The following TTC29 variants were observed in gnomAD, a reference collection of about 807,000 sequenced individuals.
The protein encoded by TTC29 is tetratricopeptide repeat protein 29.
In TTC29, 49 loss-of-function variants were observed where a neutral mutation model predicts 58.1. That is an observed-to-expected ratio of 0.84 (90% confidence interval 0.67 to 1.07). The LOEUF (loss-of-function observed/expected upper bound fraction) is 1.07, where lower values mean the gene tolerates loss of function less well. TTC29 is among the 50% of genes least tolerant of loss of function. TTC29 has a pLI of 0.00. For missense variants in TTC29, 582 were observed against 555.6 expected, an observed-to-expected ratio of 1.05 and a Z score of -0.48; for synonymous variants, 209 against 196.8, an observed-to-expected ratio of 1.06 and a Z score of -0.52.
At chr4:146,813,586 A>G (rs1751172916) in intron 10 of TTC29, among the ~76,000 whole-genome samples, 1 of 152,222 alleles carries the variant, frequency 6.6e-6, no homozygotes, top group African/African-American at 2.4e-5. Flanking sequence ...ATTGTTAAGA[A>G]TACAATTACA....
chr4:146,748,917 T>C (rs937596155), intron 11 of TTC29, among the ~76,000 whole-genome samples: 2 of 152,148 alleles, frequency 1.3e-5, no homozygotes, highest in Admixed American at 1.3e-4. Context: ...ATGAATTACC[T>C]GAAAGAGAAT....
chr4:146,827,004 C>G (rs1727849167), intron 9 of TTC29, among the ~76,000 whole-genome samples: 1 of 150,450 alleles, frequency 6.6e-6, no homozygotes, highest in South Asian at 2.3e-4. Flanking sequence ...ATTCCTCTAA[C>G]CTTTTATCGA....
intron 4 of TTC29, among the ~76,000 whole-genome samples, chr4:146,918,342 A>G (rs1328178103): frequency 6.6e-6 from 1 of 151,184 alleles, no homozygotes; most frequent in East Asian, 1.9e-4. Flanking sequence ...TATCACTAAT[A>G]TAACTCAACG....
At position 146,707,092 on chromosome 4, in the gene TTC29, C is replaced by CAA; in HGVS notation, c.*64_*65dup. On this transcript the variant is annotated 3_prime_UTR_variant, in exon 13 of 13. Coordinates refer to ENST00000325106, the MANE Select transcript of TTC29 (RefSeq NM_031956.4). ...TATTATCTGTAACATGCTCCTATTACAAGTATTGAAGTCTAAGGTGACATG... is the reference window on the plus strand; with the variant it reads ...TATTATCTGTAACATGCTCCTATTACAAAAGTATTGAAGTCTAAGGTGACATG... 8.4e-7 allele frequency: 1 copy of CAA among 1,196,686 alleles called. No individual in the cohort carries two copies. The highest frequency in any genetic ancestry group is 1.2e-6 in the Non-Finnish European group (1 of 863,102). The allele number at this position is 1,196,686 out of a possible 1,614,324, so 74.1% of individuals were successfully genotyped here. A position where few individuals can be genotyped will look rare whatever the true frequency, so the allele number is the denominator to read the frequency against.
At chr4:146,918,853 C>A (rs962346912) in intron 4 of TTC29, among the ~76,000 whole-genome samples, 9 of 151,006 alleles carry the variant, frequency 6.0e-5, no homozygotes, top group Non-Finnish European at 1.2e-4. Context: ...AGCACTTCAG[C>A]ATCATTCATT....
intron 11 of TTC29, among the ~76,000 whole-genome samples, chr4:146,753,003 T>C (rs1205353045): frequency 6.6e-6 from 1 of 152,176 alleles, no homozygotes; most frequent in Admixed American, 6.5e-5. Flanking sequence ...AAGGACTTCA[T>C]GTCTAAAAAA....
intron 11 of TTC29, among the ~76,000 whole-genome samples, chr4:146,769,584 G>T (rs2150072275): frequency 6.6e-6 from 1 of 152,062 alleles, no homozygotes; most frequent in South Asian, 2.1e-4. Context: ...AAAAACAAAA[G>T]AAAGTCAGTC....
In TTC29 at chr4:146,735,794, G is replaced by C. The variant is rs533267135; in HGVS notation, c.1331-28243C>G. ...GTTACTCTTGTAAAACTGAACAACAGTTCGAGAAGCCTTATCAAATTTGCT... is the reference window on the plus strand; with the variant it reads ...GTTACTCTTGTAAAACTGAACAACACTTCGAGAAGCCTTATCAAATTTGCT... On this transcript the variant is annotated intron_variant, in intron 11 of 12. Transcript: ENST00000325106. 3.3e-5 allele frequency among the ~76,000 whole-genome samples: 5 copies of C among 152,286 alleles called. No individual in the cohort carries two copies. In the East Asian group the frequency reaches 7.7e-4, roughly 24 times the overall value.
intron 11 of TTC29, among the ~76,000 whole-genome samples, chr4:146,770,424 G>T (rs560824855): frequency 6.7e-6 from 1 of 149,714 alleles, no homozygotes; most frequent in African/African-American, 2.5e-5. Context: ...ATGGGAAAAC[G>T]TTTTCACTTT....
At chr4:146,913,418 C>G (rs1349159179) in intron 4 of TTC29, among the ~76,000 whole-genome samples, 2 of 151,970 alleles carry the variant, frequency 1.3e-5, no homozygotes, top group African/African-American at 4.8e-5. Flanking sequence ...GCATCTAGCT[C>G]CACGTCCACA....
At chr4:146,757,801 A>C (rs951547184) in intron 11 of TTC29, among the ~76,000 whole-genome samples, 6 of 152,172 alleles carry the variant, frequency 3.9e-5, no homozygotes, top group Non-Finnish European at 8.8e-5. Flanking sequence ...TGCCACTACA[A>C]GCTAAAAAGA....
intron 4 of TTC29, among the ~76,000 whole-genome samples, chr4:146,927,287 A>G (rs539072540): frequency 6.6e-6 from 1 of 152,296 alleles, no homozygotes; most frequent in South Asian, 2.1e-4. Flanking sequence ...ACTGAAGTAC[A>G]GAAAGGTTAA....
At chr4:146,937,097 G>T (rs576333990) in intron 4 of TTC29, among the ~76,000 whole-genome samples, 1 of 151,758 alleles carries the variant, frequency 6.6e-6, no homozygotes, top group Admixed American at 6.6e-5. Context: ...AGTTTGTATC[G>T]TTCATCTAAA....
intron 8 of TTC29, among the ~76,000 whole-genome samples, chr4:146,854,423 G>A (rs955110347): frequency 6.6e-6 from 1 of 152,134 alleles, no homozygotes; most frequent in African/African-American, 2.4e-5. Flanking sequence ...TTGTGGCCAC[G>A]TTATTTCACG....
At chr4:146,859,229 A>T (rs1730071373) in intron 8 of TTC29, among the ~76,000 whole-genome samples, 1 of 152,130 alleles carries the variant, frequency 6.6e-6, no homozygotes, top group South Asian at 2.1e-4. Flanking sequence ...TCCTATTATT[A>T]TATCCTGCAG....
intron 11 of TTC29, among the ~76,000 whole-genome samples, chr4:146,722,311 A>T (rs565140597): frequency 6.1e-4 from 93 of 152,332 alleles, no homozygotes; most frequent in African/African-American, 2.2e-3. Context: ...AACGGATAAA[A>T]AACAATTCTA....
chr4:146,743,465 C>T (rs1245937438), intron 11 of TTC29, among the ~76,000 whole-genome samples: 1 of 152,090 alleles, frequency 6.6e-6, no homozygotes, highest in South Asian at 2.1e-4. Context: ...TTAGAGAGTT[C>T]AGAAGTGAAC....
At chr4:146,878,922 T>G (rs982078858) in intron 6 of TTC29, among the ~76,000 whole-genome samples, 3 of 152,156 alleles carry the variant, frequency 2.0e-5, no homozygotes, top group African/African-American at 7.2e-5. Flanking sequence ...TACACTCGAC[T>G]CAGGCACCTG....
At chr4:146,776,842 C>T (rs1040388798) in intron 11 of TTC29, among the ~76,000 whole-genome samples, 2 of 152,178 alleles carry the variant, frequency 1.3e-5, no homozygotes, top group Non-Finnish European at 2.9e-5. Flanking sequence ...GGGCACAGGC[C>T]GGGGCGAGTT....
Sources: gnomAD v4.1 joint callset for allele counts (sites outside exome capture counted in the v4.1 genomes callset) on GRCh38, gnomAD v4.1.1 for gene constraint, MANE v1.5 for transcripts, NCBI Gene and HGNC (gene_info 2026-07-23, HGNC 2026-07-21) for gene names.